The following DOCK11 variants were observed in gnomAD, a reference collection of about 807,000 sequenced individuals.
The protein encoded by DOCK11 is dedicator of cytokinesis 11, also known as dedicator of cytokinesis protein 11.
A neutral mutation model predicts 169.1 loss-of-function variants in DOCK11; 70 were observed. The ratio of observed to expected loss-of-function variants is 0.41; its 90% CI spans 0.34 to 0.51. The LOEUF (loss-of-function observed/expected upper bound fraction) is 0.51. Ranked by LOEUF, DOCK11 falls within the 20% of genes least tolerant of loss-of-function variation. The probability of loss-of-function intolerance (pLI) is 0.10; values close to 1 mark genes in which losing one functional copy is unlikely to be tolerated. For missense variants in DOCK11, 1,166 were observed against 1,538.8 expected, an observed-to-expected ratio of 0.76 and a Z score of 4.05; for synonymous variants, 529 against 541.3, an observed-to-expected ratio of 0.98 and a Z score of 0.32.
intron 5 of DOCK11, among the ~76,000 whole-genome samples, chrX:118,545,705 C>T (rs944332369): frequency 3.6e-5 from 4 of 111,155 alleles, no homozygotes; most frequent in African/African-American, 9.8e-5. Flanking sequence ...CATCTGGACT[C>T]TCCTGCCTGA....
chrX:118,509,483 C>T lies in DOCK11; in HGVS notation c.102+13410C>T, dbSNP rs540752429. On this transcript the variant is annotated intron_variant, in intron 1 of 52. Coordinates refer to ENST00000276202, the MANE Select transcript of DOCK11 (RefSeq NM_144658.4). ...TTTACCATGTTGGTCAGGCTGGTCT[C>T]GAACTCCTGACCTCAAGTGTTCCAA... 4.5e-5 allele frequency among the ~76,000 whole-genome samples: 5 copies of T among 111,019 alleles called. No homozygotes were observed. The South Asian group carries it at 1.1e-3, about 25-fold the overall frequency.
At chrX:118,513,736 T>C (rs766840035) in intron 1 of DOCK11, among the ~76,000 whole-genome samples, 2 of 111,715 alleles carry the variant, frequency 1.8e-5, no homozygotes, top group African/African-American at 6.5e-5. Flanking sequence ...TAGTAGATCT[T>C]TAAAAAGTGA....
intron 45 of DOCK11, among the ~76,000 whole-genome samples, chrX:118,668,739 A>G (rs942220590): frequency 1.8e-5 from 2 of 111,524 alleles, no homozygotes; most frequent in African/African-American, 6.5e-5. Flanking sequence ...AGTGAAATAG[A>G]AAAAAAGATG....
At chrX:118,670,135 T>G (rs2016432966) in intron 45 of DOCK11, among the ~76,000 whole-genome samples, 1 of 111,969 alleles carries the variant, frequency 8.9e-6, no homozygotes, top group Admixed American at 9.5e-5. Flanking sequence ...AAGTCAAAAC[T>G]GTGCTTAGTT....
chrX:118,636,337 C>A lies in DOCK11; in HGVS notation c.3887-9C>A. ...TCAAGATCTAACACTTTATTTATTC[C>A]ATTTTCAGATACTCTCTTAACTTAC... On this transcript the variant is annotated splice_polypyrimidine_tract_variant and intron_variant, in intron 35 of 52. Coordinates refer to ENST00000276202, the MANE Select transcript of DOCK11 (RefSeq NM_144658.4). The A allele has an allele frequency of 9.4e-7, 1 of 1,068,901 alleles. No individual in the cohort carries two copies. Among genetic ancestry groups the A allele is most frequent in the Non-Finnish European group, 1.3e-6 (1 of 791,550 alleles). The allele number at this position is 1,068,901 out of a possible 1,213,427, so 88.1% of individuals were successfully genotyped here.
intron 6 of DOCK11, among the ~76,000 whole-genome samples, chrX:118,555,372 C>T (rs2012647141): frequency 9.1e-6 from 1 of 109,798 alleles, no homozygotes; most frequent in African/African-American, 3.3e-5. Flanking sequence ...CTGGGCAACA[C>T]GGTGAAACCC....
intron 1 of DOCK11, among the ~76,000 whole-genome samples, chrX:118,499,069 A>T (rs1042460328): frequency 8.9e-6 from 1 of 112,289 alleles, no homozygotes; most frequent in Non-Finnish European, 1.9e-5. Context: ...AGATTTCTCA[A>T]GAGGGGATTG....
intron 19 of DOCK11, among the ~76,000 whole-genome samples, chrX:118,591,339 G>A (rs1344153757): frequency 9.0e-6 from 1 of 111,644 alleles, no homozygotes; most frequent in Non-Finnish European, 1.9e-5. Flanking sequence ...ATACCCAGAT[G>A]GTCTGGATGC....
Position 118,556,280 on chromosome X carries a change from G to A in DOCK11, c.559-5103G>A, listed in dbSNP as rs371226795. Among the ~76,000 whole-genome samples, 10 of 106,303 alleles carry A rather than the reference G, an allele frequency of 9.4e-5. No homozygotes were observed. In the East Asian group the frequency reaches 2.8e-3, roughly 29 times the overall value. 92.3% of individuals were successfully genotyped at this position (106,303 alleles called of 115,157 possible). A position where few individuals can be genotyped will look rare whatever the true frequency, so the allele number is the denominator to read the frequency against. On this transcript the variant is annotated intron_variant, in intron 6 of 52. Coordinates refer to ENST00000276202, the MANE Select transcript of DOCK11 (RefSeq NM_144658.4). ...GGCTGGTCTCGAACTCCTGACCTCA[G>A]GTGATCCACCCGCCTCGGCATCCCA...
chrX:118,663,428 G>A (rs1030176196), intron 45 of DOCK11, among the ~76,000 whole-genome samples: 1 of 111,708 alleles, frequency 9.0e-6, no homozygotes, highest in Non-Finnish European at 1.9e-5. Flanking sequence ...AATAAAGGAA[G>A]TATGATCAGA....
chrX:118,657,555 C>G (rs1161268021), intron 44 of DOCK11, among the ~76,000 whole-genome samples: 1 of 111,899 alleles, frequency 8.9e-6, no homozygotes, highest in Non-Finnish European at 1.9e-5. Flanking sequence ...AAACCTTATT[C>G]TAAAATAGTG....
rs748857313 is a variant in DOCK11 at position 118,674,196 on chromosome X, G to A, written c.5200-1740G>A. ...GACAGAATCTCACTCTGTCATCGAG[G>A]TTGGAGTACAATGGCATGATCTCAG... On this transcript the variant is annotated intron_variant, in intron 46 of 52. Coordinates refer to ENST00000276202, the MANE Select transcript of DOCK11 (RefSeq NM_144658.4). Among the ~76,000 whole-genome samples the A allele has an allele frequency of 5.4e-5, 6 of 111,367 alleles. No homozygotes were observed. In the South Asian group the frequency reaches 2.3e-3, roughly 43 times the overall value.
At chrX:118,642,212 T>C (rs2015552295) in intron 39 of DOCK11, among the ~76,000 whole-genome samples, 1 of 112,120 alleles carries the variant, frequency 8.9e-6, no homozygotes, top group Non-Finnish European at 1.9e-5. Flanking sequence ...CTTCCTCCTA[T>C]TCTGATACCT....
chrX:118,608,441 A>G (rs1377990664), intron 26 of DOCK11, 85 bp downstream of exon 26: 25 of 1,066,320 alleles, frequency 2.3e-5, no homozygotes, highest in Non-Finnish European at 3.0e-5. Context: ...CTAGTCTTTC[A>G]TCAGTTTCAC....
At chrX:118,592,339 T>G (rs1937171) in intron 19 of DOCK11, among the ~76,000 whole-genome samples, 1 of 84,544 alleles carries the variant, frequency 1.2e-5, no homozygotes, top group Non-Finnish European at 2.3e-5. Flanking sequence ...CTGGTGTGAG[T>G]TGGTATCTCA....
At chrX:118,624,096 T>C (rs780190356) in intron 31 of DOCK11, among the ~76,000 whole-genome samples, 1 of 112,762 alleles carries the variant, frequency 8.9e-6, no homozygotes, top group Admixed American at 9.4e-5. Context: ...TTACCATTTT[T>C]TCACTTCTTC....
In DOCK11 at chrX:118,496,083, C is replaced by T; in HGVS notation, c.102+10C>T. ...GGGCTCCGTGGTGCTGGTGAGTGGCCGGGGGACGGGGCATCCCGGGGGACG... is the reference window on the plus strand; with the variant it reads ...GGGCTCCGTGGTGCTGGTGAGTGGCTGGGGGACGGGGCATCCCGGGGGACG... On this transcript the variant is annotated intron_variant, in intron 1 of 52. Coordinates refer to ENST00000276202, the MANE Select transcript of DOCK11 (RefSeq NM_144658.4). The T allele has an allele frequency of 2.0e-6, 2 of 1,002,219 alleles. No individual in the cohort carries two copies. The highest frequency in any genetic ancestry group is 2.5e-6 in the Non-Finnish European group (2 of 789,394). 82.6% of individuals were successfully genotyped at this position (1,002,219 alleles called of 1,213,427 possible).
intron 6 of DOCK11, 50 bp from the exon 7 acceptor site, chrX:118,561,333 A>G (rs766929048): frequency 9.4e-7 from 1 of 1,064,332 alleles, no homozygotes; most frequent in Admixed American, 3.3e-5. Context: ...AACTATTCAA[A>G]TGCAATGTAT....
intron 1 of DOCK11, among the ~76,000 whole-genome samples, chrX:118,514,185 G>T (rs1431615854): frequency 9.1e-6 from 1 of 109,672 alleles, no homozygotes; most frequent in Non-Finnish European, 1.9e-5. Context: ...TGTGAAGAGG[G>T]TGCCTGCTTC....
Sources: allele counts gnomAD v4.1 joint callset (sites outside exome capture counted in the v4.1 genomes callset), GRCh38; gene constraint gnomAD v4.1.1; transcripts MANE v1.5; gene names NCBI Gene and HGNC (gene_info 2026-07-23, HGNC 2026-07-21).